The following CDKAL1 variants were observed in gnomAD, a reference collection of about 807,000 sequenced individuals.
The protein encoded by CDKAL1 is CDKAL1 threonylcarbamoyladenosine tRNA methylthiotransferase.
A neutral mutation model predicts 68.2 loss-of-function variants in CDKAL1; 32 were observed. That is an observed-to-expected ratio of 0.47 (90% CI 0.35 to 0.63). CDKAL1 has a LOEUF of 0.63. Ranked by LOEUF, CDKAL1 falls within the 30% of genes least tolerant of loss-of-function variation. The pLI is 0.00. For synonymous variants in CDKAL1, 234 were observed against 244.3 expected, an observed-to-expected ratio of 0.96 and a Z score of 0.39; for missense variants, 606 against 696.7, an observed-to-expected ratio of 0.87 and a Z score of 1.47.
intron 8 of CDKAL1, among the ~76,000 whole-genome samples, chr6:20,813,613 T>C (rs1184131434): frequency 6.6e-6 from 1 of 152,206 alleles, no homozygotes; most frequent in African/African-American, 2.4e-5. Flanking sequence ...TGGTTTCAGT[T>C]AATTTTTCCA....
intron 5 of CDKAL1, among the ~76,000 whole-genome samples, chr6:20,679,365 A>G (rs907438613): frequency 1.3e-5 from 2 of 152,188 alleles, no homozygotes; most frequent in African/African-American, 4.8e-5. Flanking sequence ...TTATTATAAC[A>G]TTTGTACATT....
chr6:21,087,151 A>G (rs1324453587), intron 12 of CDKAL1, among the ~76,000 whole-genome samples: 2 of 152,232 alleles, frequency 1.3e-5, no homozygotes, highest in African/African-American at 2.4e-5. Flanking sequence ...TTTGTGCCCC[A>G]TACTCTATCC....
intron 4 of CDKAL1, among the ~76,000 whole-genome samples, chr6:20,629,371 A>C (rs1407598713): frequency 6.6e-6 from 1 of 152,194 alleles, no homozygotes; most frequent in Non-Finnish European, 1.5e-5. Context: ...CAGTTGATTA[A>C]GGTGGTGTCT....
intron 11 of CDKAL1, among the ~76,000 whole-genome samples, chr6:21,016,378 A>G (rs1174462872): frequency 6.6e-6 from 1 of 151,292 alleles, no homozygotes; most frequent in African/African-American, 2.4e-5. Flanking sequence ...AGAGTGACCT[A>G]CCTCCCCACA....
chr6:20,732,263 CTTTTTTT>C (rs56911987), intron 5 of CDKAL1, among the ~76,000 whole-genome samples: 3,683 of 83,450 alleles, frequency 0.044, 42 homozygotes, highest in Middle Eastern at 0.085. Context: ...TTCTTTCTTT[CTTTTTTT>C]TTTTTTTTTT....
chr6:20,847,148 A>G (rs1355278529), intron 9 of CDKAL1, among the ~76,000 whole-genome samples: 1 of 152,170 alleles, frequency 6.6e-6, no homozygotes, highest in Non-Finnish European at 1.5e-5. Context: ...ATGCCTCCCA[A>G]CAGTTTTTCT....
chr6:20,845,850 A>T (rs1778356985), intron 8 of CDKAL1, among the ~76,000 whole-genome samples: 1 of 152,212 alleles, frequency 6.6e-6, no homozygotes, highest in Non-Finnish European at 1.5e-5. Context: ...TGTGATTTGT[A>T]CAGTCATTCT....
chr6:20,682,099 G>A lies in CDKAL1; in HGVS notation c.371+32722G>A, dbSNP rs1770404609. Among the ~76,000 whole-genome samples the A allele has an allele frequency of 3.9e-5, 6 of 152,136 alleles. No individual in the cohort carries two copies. The South Asian group carries it at 1.2e-3, about 32-fold the overall frequency. On this transcript the variant is annotated intron_variant, in intron 5 of 15. Transcript: ENST00000274695. ...ACCCTCATGACCTAATCACCTCTCAGGAGCTCCATGTCCTAATATCACATT... is the reference window on the plus strand; with the variant it reads ...ACCCTCATGACCTAATCACCTCTCAAGAGCTCCATGTCCTAATATCACATT...
At chr6:20,820,549 G>T (rs1049457977) in intron 8 of CDKAL1, among the ~76,000 whole-genome samples, 1 of 152,160 alleles carries the variant, frequency 6.6e-6, no homozygotes, top group Non-Finnish European at 1.5e-5. Flanking sequence ...GATTTACCCT[G>T]TCCATGTGCA....
At chr6:20,810,141 TAGAA>T (rs748811550) in intron 8 of CDKAL1, among the ~76,000 whole-genome samples, 3 of 151,976 alleles carry the variant, frequency 2.0e-5, no homozygotes, top group Non-Finnish European at 4.4e-5. Flanking sequence ...TTCAAACACA[TAGAA>T]AGAGAAGATG....
chr6:20,711,124 G>A (rs1771824312), intron 5 of CDKAL1, among the ~76,000 whole-genome samples: 1 of 152,122 alleles, frequency 6.6e-6, no homozygotes, highest in South Asian at 2.1e-4. Context: ...TGAACAAGAA[G>A]GAACAGGTAA....
intron 15 of CDKAL1, among the ~76,000 whole-genome samples, chr6:21,203,520 G>A (rs1320926601): frequency 6.6e-6 from 1 of 151,666 alleles, no homozygotes; most frequent in Non-Finnish European, 1.5e-5. Flanking sequence ...ACAGACATGA[G>A]CCACTGTGCT....
intron 13 of CDKAL1, among the ~76,000 whole-genome samples, chr6:21,196,585 AG>A (rs1368778209): frequency 6.6e-6 from 1 of 152,214 alleles, no homozygotes; most frequent in Admixed American, 6.5e-5. Context: ...TGGTGTATTT[AG>A]GTACTGGCAT....
chr6:20,744,983 C>T lies in CDKAL1; in HGVS notation c.468+5368C>T, dbSNP rs1292276026. On this transcript the variant is annotated intron_variant, in intron 6 of 15. Transcript: ENST00000274695. Reference sequence around the variant, plus strand: ...GTAAAATGTTAAGACATGCAATTCACAACGGAATATACAATTTGATATTGA... The same window carrying T: ...GTAAAATGTTAAGACATGCAATTCATAACGGAATATACAATTTGATATTGA... 5.9e-5 allele frequency among the ~76,000 whole-genome samples: 9 copies of T among 152,202 alleles called. No homozygotes were observed. In the South Asian group the frequency reaches 1.9e-3, roughly 31 times the overall value.
intron 4 of CDKAL1, among the ~76,000 whole-genome samples, chr6:20,558,335 G>C (rs1303023241): frequency 6.6e-6 from 1 of 152,170 alleles, no homozygotes; most frequent in African/African-American, 2.4e-5. Flanking sequence ...AGGTTTGATA[G>C]CTTCCCTACC....
chr6:20,695,860 C>T (rs1771083388), intron 5 of CDKAL1, among the ~76,000 whole-genome samples: 1 of 151,952 alleles, frequency 6.6e-6, no homozygotes, highest in South Asian at 2.1e-4. Flanking sequence ...GTTATGTAAC[C>T]ATTACCATGA....
intron 12 of CDKAL1, among the ~76,000 whole-genome samples, chr6:21,099,496 GTATTTGGCCCACAGGTCA>G (rs1773477339): frequency 1.3e-5 from 2 of 152,124 alleles, no homozygotes; most frequent in Non-Finnish European, 2.9e-5. Context: ...GCAGCCAGCA[GTATTTGGCCCACAGGTCA>G]TATTTTGCCA....
chr6:20,839,844 C>T (rs1402095586), intron 8 of CDKAL1, among the ~76,000 whole-genome samples: 1 of 152,092 alleles, frequency 6.6e-6, no homozygotes. Context: ...ATTGGCTTGT[C>T]AACTGGTCTG....
At chr6:20,754,750 G>T (rs1774096749) in intron 6 of CDKAL1, among the ~76,000 whole-genome samples, 1 of 152,120 alleles carries the variant, frequency 6.6e-6, no homozygotes, top group Non-Finnish European at 1.5e-5. Flanking sequence ...GTGTTGTCAT[G>T]TTACTTTGTT....
Sources: allele counts gnomAD v4.1 joint callset (sites outside exome capture counted in the v4.1 genomes callset), GRCh38; gene constraint gnomAD v4.1.1; transcripts MANE v1.5; gene names NCBI Gene and HGNC (gene_info 2026-07-23, HGNC 2026-07-21).